The following TTLL7 variants were observed in gnomAD, a reference collection of about 807,000 sequenced individuals.
TTLL7 encodes the protein tubulin tyrosine ligase like 7, also known as tubulin polyglutamylase TTLL7.
A neutral mutation model predicts 120.2 loss-of-function variants in TTLL7; 53 were observed. The observed-to-expected ratio is 0.44, with a 90% CI of 0.35 to 0.55. The LOEUF (loss-of-function observed/expected upper bound fraction) is 0.55. Among genes scored for constraint, TTLL7 ranks in the 20% least tolerant of loss-of-function variants. The pLI is 0.00. For synonymous variants in TTLL7, 353 were observed against 351.7 expected, an observed-to-expected ratio of 1.00 and a Z score of -0.04; for missense variants, 803 against 1,054.7, an observed-to-expected ratio of 0.76 and a Z score of 3.31.
chr1:83,871,028 T>G (rs1653341233), intron 20 of TTLL7, among the ~76,000 whole-genome samples: 1 of 149,032 alleles, frequency 6.7e-6, no homozygotes, highest in Non-Finnish European at 1.5e-5. Context: ...ATATATATTA[T>G]ATAGTATACA....
chr1:83,963,355 C>A (rs1338300024), intron 1 of TTLL7, among the ~76,000 whole-genome samples: 1 of 151,936 alleles, frequency 6.6e-6, no homozygotes, highest in Non-Finnish European at 1.5e-5. Context: ...GATACACTAC[C>A]TGCAGTTGCT....
At chr1:83,961,119 T>C (rs993476408) in intron 1 of TTLL7, among the ~76,000 whole-genome samples, 2 of 152,196 alleles carry the variant, frequency 1.3e-5, no homozygotes. Context: ...CTAATGCACT[T>C]AATACTTATT....
intron 15 of TTLL7, among the ~76,000 whole-genome samples, chr1:83,909,256 A>C (rs1250821614): frequency 1.1e-5 from 1 of 91,874 alleles, no homozygotes; most frequent in African/African-American, 3.3e-5. Flanking sequence ...ATCACAGATT[A>C]CTTTTTTTTT....
Position 83,937,947 on chromosome 1 carries a change from T to C in TTLL7, c.793A>G (p.Thr265Ala). ...KHNEHFERDE[T>A]ENKGSKRSIK... Reference sequence around the variant, plus strand: ...GAACGTTTGCTGCCTTTGTTCTCAGTTTCATCCCGTTCAAAATGCTCATTA... The same window carrying C: ...GAACGTTTGCTGCCTTTGTTCTCAGCTTCATCCCGTTCAAAATGCTCATTA... The change falls in exon 8 of 21, where the codon ACT becomes GCT. Residue 265 changes from threonine (T) to alanine (A), a missense_variant. Thr to Ala is a moderately conservative substitution (Grantham distance 58). Transcript: ENST00000260505. 6.2e-7 allele frequency: 1 copy of C among 1,614,092 alleles called. No homozygotes were observed. Among genetic ancestry groups the C allele is most frequent in the Non-Finnish European group, 8.5e-7 (1 of 1,179,956 alleles).
chr1:83,976,930 ATTAAC>A (rs1436035658), intron 1 of TTLL7, among the ~76,000 whole-genome samples: 5 of 152,060 alleles, frequency 3.3e-5, no homozygotes, highest in African/African-American at 9.7e-5. Flanking sequence ...CTCTCTTAAC[ATTAAC>A]TTAACTCCAT....
chr1:83,967,364 C>A (rs1650562204), intron 1 of TTLL7, among the ~76,000 whole-genome samples: 1 of 152,104 alleles, frequency 6.6e-6, no homozygotes, highest in African/African-American at 2.4e-5. Context: ...GAGAATATTA[C>A]TAGACCCCAT....
At chr1:83,897,791 T>C (rs1457086595) in intron 18 of TTLL7, among the ~76,000 whole-genome samples, 1 of 151,192 alleles carries the variant, frequency 6.6e-6, no homozygotes. Flanking sequence ...GAGTCAGACC[T>C]GCATTGTAGC....
intron 18 of TTLL7, among the ~76,000 whole-genome samples, chr1:83,891,877 G>A (rs551947918): frequency 6.6e-6 from 1 of 151,914 alleles, no homozygotes; most frequent in South Asian, 2.1e-4. Flanking sequence ...ACCCAGGCTG[G>A]AGTGCAGGGG....
intron 18 of TTLL7, among the ~76,000 whole-genome samples, chr1:83,893,580 T>C (rs1028140294): frequency 2.6e-5 from 4 of 152,090 alleles, no homozygotes; most frequent in Admixed American, 6.6e-5. Context: ...CATGAAGAAT[T>C]GGAAGCAGAT....
intron 18 of TTLL7, among the ~76,000 whole-genome samples, chr1:83,892,946 GAAAGA>G (rs1418204281): frequency 3.6e-5 from 4 of 111,790 alleles, no homozygotes; most frequent in African/African-American, 1.5e-4. Context: ...AAGAAAGAAA[GAAAGA>G]AAAGAATAAA....
intron 8 of TTLL7, among the ~76,000 whole-genome samples, chr1:83,935,523 A>C (rs1212316273): frequency 3.0e-5 from 4 of 134,536 alleles, no homozygotes; most frequent in Non-Finnish European, 1.7e-5. Context: ...GGTATACAAA[A>C]AGCAGTAAGG....
At chr1:83,885,271 C>T (rs1374982167) in intron 19 of TTLL7, among the ~76,000 whole-genome samples, 1 of 151,978 alleles carries the variant, frequency 6.6e-6, no homozygotes, top group Non-Finnish European at 1.5e-5. Context: ...ACCTCCATCA[C>T]CACCCTCTAC....
chr1:83,878,570 C>A (rs1571024479), intron 20 of TTLL7, among the ~76,000 whole-genome samples: 1 of 151,942 alleles, frequency 6.6e-6, no homozygotes, highest in Non-Finnish European at 1.5e-5. Context: ...CAAATACTCA[C>A]TAACAGGTAC....
At chr1:83,903,818 T>G (rs1366673550) in intron 18 of TTLL7, among the ~76,000 whole-genome samples, 1 of 152,098 alleles carries the variant, frequency 6.6e-6, no homozygotes, top group African/African-American at 2.4e-5. Flanking sequence ...TGTACTACCT[T>G]ACATTCTATT....
At chr1:83,986,235 G>C (rs979288436) in intron 1 of TTLL7, among the ~76,000 whole-genome samples, 1 of 152,176 alleles carries the variant, frequency 6.6e-6, no homozygotes, top group Non-Finnish European at 1.5e-5. Context: ...TATAATGTGT[G>C]TGTATGTATA....
At chr1:83,922,524 T>C (rs1351632425) in intron 10 of TTLL7, among the ~76,000 whole-genome samples, 1 of 152,154 alleles carries the variant, frequency 6.6e-6, no homozygotes, top group African/African-American at 2.4e-5. Context: ...ACTGATCCAT[T>C]CTCTTTCATG....
At chr1:83,982,504 A>G (rs972114575) in intron 1 of TTLL7, among the ~76,000 whole-genome samples, 4 of 152,186 alleles carry the variant, frequency 2.6e-5, no homozygotes, top group African/African-American at 9.6e-5. Context: ...CTATACACCA[A>G]TATTGTTCTA....
At chr1:83,871,756 T>G (rs148816534) in intron 20 of TTLL7, among the ~76,000 whole-genome samples, 6,336 of 151,040 alleles carry the variant, frequency 0.042, 157 homozygotes, top group Middle Eastern at 0.099. Context: ...AATTAGCCGG[T>G]TGTGGTGGCG....
intron 1 of TTLL7, among the ~76,000 whole-genome samples, chr1:83,969,469 A>G (rs1650776623): frequency 6.6e-6 from 1 of 152,004 alleles, no homozygotes; most frequent in Non-Finnish European, 1.5e-5. Context: ...TAAATTACTC[A>G]AGTCAAACTC....
Sources: allele counts gnomAD v4.1 joint callset (sites outside exome capture counted in the v4.1 genomes callset), GRCh38; gene constraint gnomAD v4.1.1; transcripts MANE v1.5; gene names NCBI Gene and HGNC (gene_info 2026-07-23, HGNC 2026-07-21).